RAB20: variants seen among roughly 807,000 people sequenced by gnomAD.
The protein encoded by RAB20 is RAB20, member RAS oncogene family.
In RAB20, 2 loss-of-function variants were observed where a neutral mutation model predicts 3.7. The ratio of observed to expected loss-of-function variants is 0.54; its 90% confidence interval spans 0.22 to 1.69. RAB20 has a LOEUF of 1.69. RAB20 is among the 40% of genes most tolerant of loss of function. The pLI is 0.19. For synonymous variants in RAB20, 126 were observed against 130.8 expected (o/e 0.96, Z 0.25); for missense variants, 276 against 311.9 (o/e 0.88, Z 0.87).
chr13:110,534,019 G>A (rs1252411194), intron 1 of RAB20, among the ~76,000 whole-genome samples: 1 of 152,146 alleles, frequency 6.6e-6, no homozygotes, highest in Admixed American at 6.5e-5. Context: ...CACCGTGATG[G>A]GGAACTGTAT....
chr13:110,544,588 T>A (rs1884819699), intron 1 of RAB20, among the ~76,000 whole-genome samples: 1 of 152,202 alleles, frequency 6.6e-6, no homozygotes, highest in Non-Finnish European at 1.5e-5. Context: ...GTTAAACTCA[T>A]GCAATGAAGG....
chr13:110,527,511 G>A (rs1199890844), intron 1 of RAB20, among the ~76,000 whole-genome samples: 1 of 152,186 alleles, frequency 6.6e-6, no homozygotes, highest in East Asian at 1.9e-4. Flanking sequence ...AGAGCTACCC[G>A]GGTCACCTCC....
intron 1 of RAB20, among the ~76,000 whole-genome samples, chr13:110,539,991 G>GAGT (rs1432551296): frequency 6.6e-6 from 1 of 152,248 alleles, no homozygotes; most frequent in Non-Finnish European, 1.5e-5. Context: ...ACTGCAGGTA[G>GAGT]AGTAGTTCCA....
chr13:110,554,285 G>A (rs113276024), intron 1 of RAB20, among the ~76,000 whole-genome samples: 3 of 152,344 alleles, frequency 2.0e-5, no homozygotes, highest in African/African-American at 4.8e-5. Flanking sequence ...GCCAAAGAGA[G>A]CTGCTCTCCA....
intron 1 of RAB20, among the ~76,000 whole-genome samples, chr13:110,556,279 A>G (rs1885037348): frequency 6.6e-6 from 1 of 152,238 alleles, no homozygotes; most frequent in African/African-American, 2.4e-5. Context: ...AACCCTTAGA[A>G]GAGGGAAGCA....
In RAB20 at chr13:110,561,657, C is replaced by T; in HGVS notation, c.-138G>A. 2 of 1,369,152 alleles carry T rather than the reference C, an allele frequency of 1.5e-6. No homozygotes were observed. Among genetic ancestry groups the T allele is most frequent in the East Asian group, 6.0e-5 (2 of 33,346 alleles). 84.8% of individuals were successfully genotyped at this position (1,369,152 alleles called of 1,614,324 possible). A position where few individuals can be genotyped will look rare whatever the true frequency, so the allele number is the denominator to read the frequency against. On this transcript the variant is annotated 5_prime_UTR_variant, in exon 1 of 2. Coordinates refer to ENST00000267328, the MANE Select transcript of RAB20 (RefSeq NM_017817.3). ...CGTGAACGCTCCGGGACCTTCGCCT[C>T]CGGACGCCCGGGAGCTCAAGAGAGG...
Position 110,531,866 on chromosome 13 carries a change from G to A in RAB20, c.173-7669C>T, listed in dbSNP as rs140809235. On this transcript the variant is annotated intron_variant, in intron 1 of 1. Coordinates refer to ENST00000267328, the MANE Select transcript of RAB20 (RefSeq NM_017817.3). ...CGGATGTTGCCAGATCAGTGGAGCT[G>A]ACATGGCCCAGGGTTCAGGCAGAAG... Among the ~76,000 whole-genome samples the A allele has an allele frequency of 8.6e-4, 131 of 152,280 alleles. No individual in the cohort carries two copies. In the East Asian group the frequency reaches 0.023, roughly 26 times the overall value.
At chr13:110,528,078 G>A (rs1043783072) in intron 1 of RAB20, among the ~76,000 whole-genome samples, 3 of 151,990 alleles carry the variant, frequency 2.0e-5, no homozygotes, top group African/African-American at 7.3e-5. Flanking sequence ...ACTCCAGCCT[G>A]AGCAACAGTG....
At chr13:110,549,003 T>C (rs1473320553) in intron 1 of RAB20, among the ~76,000 whole-genome samples, 5 of 152,218 alleles carry the variant, frequency 3.3e-5, no homozygotes, top group Non-Finnish European at 7.3e-5. Context: ...ATGTGTGTGA[T>C]GATTCCAAAC....
At chr13:110,527,215 G>A (rs140247975) in intron 1 of RAB20, among the ~76,000 whole-genome samples, 7 of 152,104 alleles carry the variant, frequency 4.6e-5, no homozygotes, top group South Asian at 2.1e-4. Context: ...CTTGCTGGGC[G>A]ATGCTGCCTG....
intron 1 of RAB20, among the ~76,000 whole-genome samples, chr13:110,545,249 T>C (rs1489656949): frequency 6.6e-6 from 1 of 152,238 alleles, no homozygotes; most frequent in Non-Finnish European, 1.5e-5. Context: ...ATACCCCATT[T>C]TCCACGATGC....
At chr13:110,542,500 C>A (rs1286814329) in intron 1 of RAB20, among the ~76,000 whole-genome samples, 1 of 152,196 alleles carries the variant, frequency 6.6e-6, no homozygotes, top group African/African-American at 2.4e-5. Flanking sequence ...CACCCACCTG[C>A]CAGCTCCTTG....
chr13:110,536,251 C>T (rs1056515891), intron 1 of RAB20, among the ~76,000 whole-genome samples: 2 of 152,136 alleles, frequency 1.3e-5, no homozygotes, highest in African/African-American at 4.8e-5. Flanking sequence ...GCCCTGCCGA[C>T]GCCAGTTCAG....
intron 1 of RAB20, among the ~76,000 whole-genome samples, chr13:110,551,682 CGT>C (rs962744025): frequency 6.6e-6 from 1 of 152,002 alleles, no homozygotes; most frequent in African/African-American, 2.4e-5. Flanking sequence ...GCTGTTTAGG[CGT>C]GTGTGTTTGT....
At chr13:110,539,933 TA>T (rs1388411308) in intron 1 of RAB20, among the ~76,000 whole-genome samples, 1 of 152,158 alleles carries the variant, frequency 6.6e-6, no homozygotes, top group Non-Finnish European at 1.5e-5. Context: ...AAGGATAAAC[TA>T]AAAATAAAGC....
chr13:110,526,052 G>A (rs940228172), intron 1 of RAB20, among the ~76,000 whole-genome samples: 4 of 152,240 alleles, frequency 2.6e-5, no homozygotes, highest in Non-Finnish European at 4.4e-5. Context: ...GTGCTCAGAC[G>A]CCATCCCAAG....
rs139325033 is a variant in RAB20, at chr13:110,533,209, G to C, written c.173-9012C>G. On this transcript the variant is annotated intron_variant, in intron 1 of 1. Transcript: ENST00000267328. ...AGATTGTTCAAAAACACCACGACAT[G>C]CTTTCTCCAGTGTTTGCAGGTTGCA... 4.3e-3 allele frequency among the ~76,000 whole-genome samples: 655 copies of C among 152,324 alleles called. 9 individuals are homozygous for C. The highest frequency in any genetic ancestry group is 0.015 in the African/African-American group (627 of 41,574).
At chr13:110,560,337 T>A (rs983746494) in intron 1 of RAB20, among the ~76,000 whole-genome samples, 1 of 152,232 alleles carries the variant, frequency 6.6e-6, no homozygotes, top group African/African-American at 2.4e-5. Flanking sequence ...GGGGGAGAAC[T>A]GGAAGTACCT....
chr13:110,543,097 G>C (rs1486278161), intron 1 of RAB20, among the ~76,000 whole-genome samples: 5 of 152,050 alleles, frequency 3.3e-5, no homozygotes, highest in Non-Finnish European at 7.4e-5. Context: ...CTTCTTTTGA[G>C]AAATGTCTAT....
Sources: allele counts gnomAD v4.1 joint callset (sites outside exome capture counted in the v4.1 genomes callset), GRCh38; gene constraint gnomAD v4.1.1; transcripts MANE v1.5; gene names NCBI Gene and HGNC (gene_info 2026-07-23, HGNC 2026-07-21).